Variants in CTNNBL1 observed in about 807,000 individuals in gnomAD.
CTNNBL1 encodes the protein beta-catenin-like protein 1.
Under a neutral mutation model 72.7 loss-of-function variants are expected in CTNNBL1, and 31 were observed. The ratio of observed to expected loss-of-function variants is 0.43; its 90% CI spans 0.32 to 0.58. The LOEUF (loss-of-function observed/expected upper bound fraction) is 0.58. Ranked by LOEUF, CTNNBL1 falls within the 20% of genes least tolerant of loss-of-function variation. The probability of loss-of-function intolerance (pLI) is 0.08; values close to 1 mark genes in which losing one functional copy is unlikely to be tolerated. For synonymous variants in CTNNBL1, 240 were observed against 267.3 expected (o/e 0.90, Z 1.00); for missense variants, 534 against 725.1 (o/e 0.74, Z 3.03).
intron 11 of CTNNBL1, among the ~76,000 whole-genome samples, chr20:37,835,603 G>A (rs2072246817): frequency 1.3e-5 from 2 of 152,172 alleles, no homozygotes; most frequent in Non-Finnish European, 2.9e-5. Flanking sequence ...AACATTTCAT[G>A]TGTAAATTTC....
chr20:37,768,188 G>A (rs969829672), intron 7 of CTNNBL1, 144 bp downstream of exon 7: 39 of 604,904 alleles, frequency 6.4e-5, no homozygotes, highest in Middle Eastern at 4.5e-4. Flanking sequence ...TTTCTTCTCC[G>A]TTTTTGTTCG....
intron 3 of CTNNBL1, among the ~76,000 whole-genome samples, chr20:37,741,718 A>G (rs1224711421): frequency 6.6e-6 from 1 of 152,250 alleles, no homozygotes; most frequent in East Asian, 1.9e-4. Flanking sequence ...CCTCTAGTAA[A>G]TAGCATGGCT....
chr20:37,724,365 T>G (rs148596862), intron 1 of CTNNBL1, among the ~76,000 whole-genome samples: 1 of 152,278 alleles, frequency 6.6e-6, no homozygotes, highest in Non-Finnish European at 1.5e-5. Flanking sequence ...TTGAAAAATG[T>G]AATTTTTTTT....
intron 11 of CTNNBL1, among the ~76,000 whole-genome samples, chr20:37,825,623 C>G (rs1490220848): frequency 6.6e-6 from 1 of 152,014 alleles, no homozygotes; most frequent in Admixed American, 6.6e-5. Context: ...TGCAGGGAGC[C>G]GAGATCGTGC....
intron 10 of CTNNBL1, among the ~76,000 whole-genome samples, chr20:37,783,781 A>C (rs187685337): frequency 5.0e-4 from 76 of 152,350 alleles, no homozygotes; most frequent in African/African-American, 1.8e-3. Flanking sequence ...CTAACACATG[A>C]ACTATTCTTG....
chr20:37,800,852 A>T (rs2073818455), intron 10 of CTNNBL1, among the ~76,000 whole-genome samples: 1 of 152,194 alleles, frequency 6.6e-6, no homozygotes, highest in South Asian at 2.1e-4. Flanking sequence ...GCCTGTCTAC[A>T]GTTCATTTCT....
At chr20:37,805,079 C>T (rs930659716) in intron 11 of CTNNBL1, among the ~76,000 whole-genome samples, 3 of 152,256 alleles carry the variant, frequency 2.0e-5, no homozygotes, top group South Asian at 2.1e-4. Context: ...AACCGGCCTT[C>T]GGCCATGAAT....
chr20:37,740,743 A>G (rs2122612881), intron 3 of CTNNBL1, among the ~76,000 whole-genome samples: 1 of 152,378 alleles, frequency 6.6e-6, no homozygotes, highest in Admixed American at 6.5e-5. Context: ...TCATCATGTC[A>G]TGGAGCCCTT....
At chr20:37,863,298 C>T (rs1181532344) in intron 15 of CTNNBL1, among the ~76,000 whole-genome samples, 1 of 152,186 alleles carries the variant, frequency 6.6e-6, no homozygotes, top group Non-Finnish European at 1.5e-5. Flanking sequence ...AACTACTCAG[C>T]TGGCCCTGCT....
chr20:37,802,720 A>C, intron 10 of CTNNBL1, 147 bp from the exon 11 acceptor site: 5 of 590,322 alleles, frequency 8.5e-6, no homozygotes, highest in South Asian at 6.6e-5. Context: ...TGTCCACCCT[A>C]TTGTAGACGT....
intron 4 of CTNNBL1, among the ~76,000 whole-genome samples, chr20:37,748,433 C>T (rs1231937545): frequency 6.6e-6 from 1 of 152,124 alleles, no homozygotes; most frequent in Non-Finnish European, 1.5e-5. Context: ...TGAGTGAGCT[C>T]AGTGTATGGT....
At position 37,767,866 on chromosome 20, in the gene CTNNBL1, G is replaced by A. The variant is rs1363792181; in HGVS notation, c.659-87G>A. On this transcript the variant is annotated intron_variant, in intron 6 of 15. Coordinates refer to ENST00000361383, the MANE Select transcript of CTNNBL1 (RefSeq NM_030877.5). ...GAGTAATGCAGGGAAGTGGGGAGAG[G>A]AATAACATGCCTGTCATGGGAAGCA... 4 of 1,018,792 alleles carry A rather than the reference G, an allele frequency of 3.9e-6. No homozygotes were observed. The East Asian group carries it at 9.5e-5, about 24-fold the overall frequency. The allele number at this position is 1,018,792 out of a possible 1,614,324, so 63.1% of individuals were successfully genotyped here.
intron 15 of CTNNBL1, among the ~76,000 whole-genome samples, chr20:37,867,771 G>A (rs953585064): frequency 6.6e-6 from 1 of 152,148 alleles, no homozygotes; most frequent in African/African-American, 2.4e-5. Flanking sequence ...GGAGGACTCT[G>A]TTCAATATTT....
At chr20:37,787,210 C>G (rs1027778350) in intron 10 of CTNNBL1, among the ~76,000 whole-genome samples, 1 of 151,772 alleles carries the variant, frequency 6.6e-6, no homozygotes, top group African/African-American at 2.4e-5. Context: ...TCACAGTGCA[C>G]TGCAGCGTTG....
chr20:37,711,129 C>A (rs1194374449), intron 1 of CTNNBL1, among the ~76,000 whole-genome samples: 1 of 152,212 alleles, frequency 6.6e-6, no homozygotes, highest in Non-Finnish European at 1.5e-5. Context: ...TCTGGCCCAT[C>A]TGATCCTCCT....
At position 37,797,354 on chromosome 20, in the gene CTNNBL1, C is replaced by CTT. The variant is rs76016183; in HGVS notation, c.1032-5496_1032-5495dup. 4.2e-3 allele frequency among the ~76,000 whole-genome samples: 440 copies of CTT among 103,908 alleles called. 3 individuals are homozygous for CTT. The highest frequency in any genetic ancestry group is 6.9e-3 in the Non-Finnish European group (330 of 47,650). 68.2% of individuals were successfully genotyped at this position (103,908 alleles called of 152,430 possible). ...GAATATTTTAAAGAACACCTTGTTG[C>CTT]TTTTTTTTTTTTTTTTTTAATCAGT... On this transcript the variant is annotated intron_variant, in intron 10 of 15. Coordinates refer to ENST00000361383, the MANE Select transcript of CTNNBL1 (RefSeq NM_030877.5).
chr20:37,783,006 A>T (rs1296084166), intron 10 of CTNNBL1, among the ~76,000 whole-genome samples: 1 of 152,178 alleles, frequency 6.6e-6, no homozygotes, highest in Non-Finnish European at 1.5e-5. Context: ...ACCATATAGG[A>T]TGATGTATAT....
intron 15 of CTNNBL1, among the ~76,000 whole-genome samples, chr20:37,865,485 G>A (rs980811979): frequency 4.0e-5 from 6 of 151,542 alleles, no homozygotes; most frequent in Non-Finnish European, 7.4e-5. Flanking sequence ...TTTTCATCTT[G>A]CAAAACTGGA....
intron 10 of CTNNBL1, among the ~76,000 whole-genome samples, chr20:37,791,886 G>A (rs536082633): frequency 6.6e-6 from 1 of 152,258 alleles, no homozygotes; most frequent in African/African-American, 2.4e-5. Context: ...TGCCAAAACG[G>A]TTGGGGAACA....
Sources: allele counts gnomAD v4.1 joint callset (sites outside exome capture counted in the v4.1 genomes callset), GRCh38; gene constraint gnomAD v4.1.1; transcripts MANE v1.5; gene names NCBI Gene and HGNC (gene_info 2026-07-23, HGNC 2026-07-21).